The following KDM4C variants were observed in gnomAD, a reference collection of about 807,000 sequenced individuals.
The protein encoded by KDM4C is lysine-specific demethylase 4C.
A neutral mutation model predicts 129.3 loss-of-function variants in KDM4C; 81 were observed. The observed-to-expected ratio is 0.63, with a 90% CI of 0.52 to 0.75. The LOEUF is 0.75. Ranked by LOEUF, KDM4C falls within the 30% of genes least tolerant of loss-of-function variation. KDM4C has a pLI of 0.00. For synonymous variants in KDM4C, 573 were observed against 456.1 expected, an observed-to-expected ratio of 1.26 and a Z score of -3.26; for missense variants, 1,457 against 1,304.0, an observed-to-expected ratio of 1.12 and a Z score of -1.81.
At chr9:7,009,435 A>G (rs1380560472) in intron 12 of KDM4C, among the ~76,000 whole-genome samples, 1 of 152,242 alleles carries the variant, frequency 6.6e-6, no homozygotes, top group Admixed American at 6.5e-5. Flanking sequence ...TAGTGTGTAC[A>G]GAAATATTTT....
At chr9:6,748,370 G>A (rs1817952424) in intron 1 of KDM4C, among the ~76,000 whole-genome samples, 1 of 151,830 alleles carries the variant, frequency 6.6e-6, no homozygotes, top group South Asian at 2.1e-4. Context: ...AGCCAGGAGT[G>A]GTGGCACATG....
At chr9:7,066,351 A>G (rs1028032173) in intron 17 of KDM4C, among the ~76,000 whole-genome samples, 3 of 152,166 alleles carry the variant, frequency 2.0e-5, no homozygotes, top group Admixed American at 1.3e-4. Flanking sequence ...ACTTTCAAGG[A>G]TGTCATTTGT....
At position 7,051,718 on chromosome 9, in the gene KDM4C, C is replaced by G. The variant is rs577730085; in HGVS notation, c.2424+2518C>G. On this transcript the variant is annotated intron_variant, in intron 17 of 21. Coordinates refer to ENST00000381309, the MANE Select transcript of KDM4C (RefSeq NM_015061.6). ...GCTGTGGGCATTCCTTTTCTGAACTCTAGACTGTCCATTCTGCCTTCCTCT... is the reference window on the plus strand; with the variant it reads ...GCTGTGGGCATTCCTTTTCTGAACTGTAGACTGTCCATTCTGCCTTCCTCT... Among the ~76,000 whole-genome samples the G allele has an allele frequency of 4.6e-5, 7 of 152,240 alleles. No individual in the cohort carries two copies. The South Asian group carries it at 1.4e-3, about 32-fold the overall frequency.
intron 1 of KDM4C, among the ~76,000 whole-genome samples, chr9:6,762,317 C>T (rs1819718118): frequency 1.4e-5 from 2 of 145,080 alleles, no homozygotes; most frequent in South Asian, 2.3e-4. Context: ...TCTCATTGTT[C>T]CTTCTTTTCT....
intron 1 of KDM4C, among the ~76,000 whole-genome samples, chr9:6,725,904 G>T (rs1360292952): frequency 7.0e-6 from 1 of 142,828 alleles, no homozygotes; most frequent in African/African-American, 2.6e-5. Flanking sequence ...GTAGAGATGG[G>T]GTTTCTTTCT....
chr9:6,774,547 C>G (rs962281202), intron 1 of KDM4C, among the ~76,000 whole-genome samples: 3 of 152,046 alleles, frequency 2.0e-5, no homozygotes, highest in African/African-American at 7.2e-5. Flanking sequence ...CACCCGTAAT[C>G]CCAGCTACTT....
intron 12 of KDM4C, among the ~76,000 whole-genome samples, chr9:6,991,082 T>C (rs1446063661): frequency 6.6e-6 from 1 of 152,038 alleles, no homozygotes; most frequent in Non-Finnish European, 1.5e-5. Context: ...TTTCCCCCTT[T>C]TGTTCTTTTT....
intron 17 of KDM4C, among the ~76,000 whole-genome samples, chr9:7,100,565 C>G (rs1377284186): frequency 6.6e-6 from 1 of 152,104 alleles, no homozygotes; most frequent in Non-Finnish European, 1.5e-5. Flanking sequence ...GTCTTGAACT[C>G]CTGACCTCAG....
chr9:7,104,858 A>G (rs1270831949), intron 18 of KDM4C, among the ~76,000 whole-genome samples: 1 of 152,240 alleles, frequency 6.6e-6, no homozygotes, highest in African/African-American at 2.4e-5. Flanking sequence ...CACACACAGC[A>G]AATCTCCCAG....
At chr9:6,975,894 C>T (rs571798851) in intron 8 of KDM4C, among the ~76,000 whole-genome samples, 10 of 152,166 alleles carry the variant, frequency 6.6e-5, no homozygotes, top group African/African-American at 2.2e-4. Flanking sequence ...AAAAATTAGC[C>T]GAGCGTGGTG....
chr9:6,747,078 A>G (rs1370148145), intron 1 of KDM4C, among the ~76,000 whole-genome samples: 1 of 150,846 alleles, frequency 6.6e-6, no homozygotes, highest in Admixed American at 6.7e-5. Context: ...TTCTGGTTCC[A>G]GCTATTCAGG....
At chr9:6,861,644 ATCCCC>A (rs1477582208) in intron 5 of KDM4C, among the ~76,000 whole-genome samples, 2 of 152,162 alleles carry the variant, frequency 1.3e-5, no homozygotes, top group Non-Finnish European at 2.9e-5. Flanking sequence ...TCATGAATCT[ATCCCC>A]TCCTCTCTTC....
At chr9:7,000,508 T>C (rs776743762) in intron 12 of KDM4C, among the ~76,000 whole-genome samples, 3 of 152,228 alleles carry the variant, frequency 2.0e-5, no homozygotes, top group Non-Finnish European at 2.9e-5. Flanking sequence ...AATTAACTTA[T>C]AAATAAATTC....
intron 19 of KDM4C, among the ~76,000 whole-genome samples, chr9:7,129,607 T>A (rs1258410562): frequency 6.6e-6 from 1 of 152,088 alleles, no homozygotes; most frequent in Non-Finnish European, 1.5e-5. Context: ...GCTGGAAACA[T>A]AAAGAGAAAG....
chr9:7,038,789 TA>T (rs1181564928), intron 15 of KDM4C, among the ~76,000 whole-genome samples: 1 of 152,038 alleles, frequency 6.6e-6, no homozygotes, highest in African/African-American at 2.4e-5. Flanking sequence ...ACCCCCAAAC[TA>T]GATATATTCT....
chr9:6,926,716 A>G (rs1205752882), intron 8 of KDM4C, among the ~76,000 whole-genome samples: 1 of 152,204 alleles, frequency 6.6e-6, no homozygotes, highest in African/African-American at 2.4e-5. Context: ...ACGGACATTC[A>G]GAAATCCAGC....
intron 18 of KDM4C, among the ~76,000 whole-genome samples, chr9:7,108,059 T>A (rs1491001717): frequency 1.3e-5 from 2 of 152,118 alleles, no homozygotes; most frequent in Admixed American, 6.6e-5. Flanking sequence ...AGAGCAGTGT[T>A]TTTTGTGTGC....
chr9:6,752,239 A>C (rs374499508), intron 1 of KDM4C, among the ~76,000 whole-genome samples: 21 of 140,186 alleles, frequency 1.5e-4, no homozygotes, highest in East Asian at 1.5e-3. Context: ...AGGCTGAGGC[A>C]GGAGAATGGC....
At chr9:6,821,635 C>T (rs144844212) in intron 4 of KDM4C, among the ~76,000 whole-genome samples, 27 of 151,492 alleles carry the variant, frequency 1.8e-4, no homozygotes, top group African/African-American at 5.3e-4. Context: ...TTTGTCAGGT[C>T]TTAGCCTCTC....
Sources: allele counts gnomAD v4.1 joint callset (sites outside exome capture counted in the v4.1 genomes callset), GRCh38; gene constraint gnomAD v4.1.1; transcripts MANE v1.5; gene names NCBI Gene and HGNC (gene_info 2026-07-23, HGNC 2026-07-21).